The following TAOK3 variants were observed in gnomAD, a reference collection of about 807,000 sequenced individuals.
The protein encoded by TAOK3 is serine/threonine-protein kinase TAO3.
In TAOK3, 40 loss-of-function variants were observed where a neutral mutation model predicts 120.4. That is an observed-to-expected ratio of 0.33 (90% CI 0.26 to 0.43). TAOK3 has a LOEUF of 0.43. Among genes scored for constraint, TAOK3 ranks in the 20% least tolerant of loss-of-function variants. The probability of loss-of-function intolerance (pLI) is 1.00; values close to 1 mark genes in which losing one functional copy is unlikely to be tolerated. For missense variants in TAOK3, 821 were observed against 1,112.1 expected (o/e 0.74, Z 3.72); for synonymous variants, 355 against 387.5 (o/e 0.92, Z 0.99).
chr12:118,367,810 G>A (rs1042742985), intron 1 of TAOK3, among the ~76,000 whole-genome samples: 2 of 151,184 alleles, frequency 1.3e-5, no homozygotes, highest in African/African-American at 4.9e-5. Context: ...GGGAAGAAAT[G>A]AAAACTAGGG....
chr12:118,310,080 C>A (rs937295469), intron 1 of TAOK3, among the ~76,000 whole-genome samples: 3 of 151,970 alleles, frequency 2.0e-5, no homozygotes, highest in African/African-American at 4.8e-5. Context: ...TTTGAGGCCA[C>A]AAGATCAGCC....
intron 1 of TAOK3, among the ~76,000 whole-genome samples, chr12:118,323,768 G>C (rs2043818198): frequency 6.6e-6 from 1 of 152,084 alleles, no homozygotes; most frequent in Non-Finnish European, 1.5e-5. Flanking sequence ...ATCATATATA[G>C]GTTTATGTAG....
chr12:118,307,458 G>A (rs1007274259), intron 1 of TAOK3, among the ~76,000 whole-genome samples: 1 of 152,034 alleles, frequency 6.6e-6, no homozygotes, highest in South Asian at 2.1e-4. Flanking sequence ...GTCACATTTA[G>A]TTAGTTTCTT....
intron 1 of TAOK3, among the ~76,000 whole-genome samples, chr12:118,361,970 T>C (rs774316736): frequency 1.4e-4 from 22 of 152,118 alleles, no homozygotes; most frequent in Non-Finnish European, 2.9e-4. Context: ...GGACTGCTTA[T>C]ACACTGATGG....
intron 17 of TAOK3, among the ~76,000 whole-genome samples, chr12:118,169,668 T>C (rs764493239): frequency 1.3e-5 from 2 of 152,088 alleles, no homozygotes; most frequent in Non-Finnish European, 2.9e-5. Context: ...TACCACATCT[T>C]CATTTCCCCT....
At chr12:118,267,404 G>C (rs147044502) in intron 1 of TAOK3, among the ~76,000 whole-genome samples, 1 of 151,348 alleles carries the variant, frequency 6.6e-6, no homozygotes, top group African/African-American at 2.4e-5. Context: ...CAGTACAGAC[G>C]GGGTTTCACC....
At chr12:118,234,212 A>AT (rs763473530) in intron 8 of TAOK3, among the ~76,000 whole-genome samples, 2,653 of 58,182 alleles carry the variant, frequency 0.046, 552 homozygotes, top group Non-Finnish European at 0.055. Context: ...AAAGCAGGAA[A>AT]TTTTTTTTTT....
At chr12:118,157,212 A>G (rs1245108886) in intron 19 of TAOK3, among the ~76,000 whole-genome samples, 11 of 152,190 alleles carry the variant, frequency 7.2e-5, no homozygotes, top group African/African-American at 2.4e-4. Flanking sequence ...CTCATACCCC[A>G]GGTAAAAGTC....
intron 13 of TAOK3, among the ~76,000 whole-genome samples, chr12:118,192,399 T>G (rs1213353195): frequency 6.6e-6 from 1 of 152,190 alleles, no homozygotes; most frequent in Non-Finnish European, 1.5e-5. Flanking sequence ...CCCCTACATT[T>G]TTTTCCTTTT....
chr12:118,171,122 C>T (rs1439363113), intron 17 of TAOK3, among the ~76,000 whole-genome samples: 1 of 152,216 alleles, frequency 6.6e-6, no homozygotes, highest in Non-Finnish European at 1.5e-5. Context: ...TCCATCCAAC[C>T]TCCCAAATTA....
rs148912012 is a variant in TAOK3, at chr12:118,172,825, TTGAG to T, written c.1696-169_1696-166del. ...CCAATTTTTTTTATTTGCTCATTAA[TTGAG>T]TATTAAGTGAGAGGGACACTTGTGA... On this transcript the variant is annotated intron_variant, in intron 16 of 20. Transcript: ENST00000392533. Among the ~76,000 whole-genome samples, 1,315 of 151,144 alleles carry T rather than the reference TTGAG, an allele frequency of 8.7e-3. 12 individuals are homozygous for T. The highest frequency in any genetic ancestry group is 0.029 in the African/African-American group (1,210 of 41,538).
At chr12:118,366,043 C>T (rs2045732619) in intron 1 of TAOK3, among the ~76,000 whole-genome samples, 1 of 152,130 alleles carries the variant, frequency 6.6e-6, no homozygotes, top group African/African-American at 2.4e-5. Context: ...AGCAGGCGAT[C>T]ACCTGAGGTC....
intron 2 of TAOK3, among the ~76,000 whole-genome samples, chr12:118,258,043 A>T (rs1041320146): frequency 5.3e-5 from 8 of 152,200 alleles, no homozygotes; most frequent in Non-Finnish European, 1.0e-4. Flanking sequence ...ATATTATAGG[A>T]TGACTCAGCC....
chr12:118,167,575 G>A, intron 17 of TAOK3, among the ~76,000 whole-genome samples: 1 of 151,536 alleles, frequency 6.6e-6, no homozygotes, highest in Non-Finnish European at 1.5e-5. Flanking sequence ...GTGCTGGAAG[G>A]TAAATGGAAA....
At position 118,371,498 on chromosome 12, in the gene TAOK3, A is replaced by T. The variant is rs514826; in HGVS notation, c.-194+1150T>A. On this transcript the variant is annotated intron_variant, in intron 1 of 20. Transcript: ENST00000392533. The surrounding 1 kb of genome is among the most constrained non-coding windows in gnomAD (Gnocchi z 5.5). ...TCCTCCAGCCCATGCGTTTCACTTC[A>T]GAGATGTTTCATGACATAATCCGGC... is the stretch of plus-strand genomic sequence containing the variant. Among the ~76,000 whole-genome samples, 14 of 151,632 alleles carry T rather than the reference A, an allele frequency of 9.2e-5. No individual in the cohort carries two copies. Among genetic ancestry groups the T allele is most frequent in the Middle Eastern group, 3.4e-3 (1 of 292 alleles).
chr12:118,219,247 ACAT>A (rs1160951607), intron 9 of TAOK3, among the ~76,000 whole-genome samples: 3 of 152,068 alleles, frequency 2.0e-5, no homozygotes, highest in African/African-American at 7.2e-5. Context: ...TTATCTGGGT[ACAT>A]CTTTTTGTGT....
intron 1 of TAOK3, among the ~76,000 whole-genome samples, chr12:118,330,978 C>T (rs1295684057): frequency 6.6e-6 from 1 of 152,098 alleles, no homozygotes; most frequent in Non-Finnish European, 1.5e-5. Flanking sequence ...CAACTGCCAC[C>T]TACCAAAAGA....
chr12:118,194,395 C>T (rs1004838553), intron 13 of TAOK3, among the ~76,000 whole-genome samples: 3 of 152,130 alleles, frequency 2.0e-5, no homozygotes, highest in African/African-American at 4.8e-5. Flanking sequence ...GAAAAGATGA[C>T]TAGCAAAAGG....
intron 1 of TAOK3, among the ~76,000 whole-genome samples, chr12:118,324,921 T>C (rs2043871953): frequency 6.6e-6 from 1 of 151,814 alleles, no homozygotes; most frequent in Non-Finnish European, 1.5e-5. Context: ...ATTTTTTTTG[T>C]ATTTTTAGTA....
Sources: allele counts gnomAD v4.1 joint callset (sites outside exome capture counted in the v4.1 genomes callset), GRCh38; gene constraint gnomAD v4.1.1; non-coding constraint Gnocchi (gnomAD v3.1); transcripts MANE v1.5; gene names NCBI Gene and HGNC (gene_info 2026-07-23, HGNC 2026-07-21).